Variants in PRDM2 observed in about 807,000 individuals in gnomAD.
PRDM2 encodes the protein PR domain zinc finger protein 2.
PRDM2 carries 30 observed loss-of-function variants against 130.0 expected under a neutral mutation model. The ratio of observed to expected loss-of-function variants is 0.23; its 90% confidence interval spans 0.17 to 0.31. PRDM2 has a LOEUF of 0.31. Ranked by LOEUF, PRDM2 falls within the 10% of genes least tolerant of loss-of-function variation. The pLI is 1.00. For missense variants in PRDM2, 2,011 were observed against 2,108.4 expected, an observed-to-expected ratio of 0.95 and a Z score of 0.90; for synonymous variants, 871 against 782.4, an observed-to-expected ratio of 1.11 and a Z score of -1.89.
chr1:13,731,565 A>T (rs1159724254), intron 3 of PRDM2, among the ~76,000 whole-genome samples: 1 of 152,186 alleles, frequency 6.6e-6, no homozygotes, highest in Admixed American at 6.5e-5. Flanking sequence ...TTGTGCCTCC[A>T]GTACCAGATA....
chr1:13,729,351 C>T (rs1465926864), intron 2 of PRDM2, among the ~76,000 whole-genome samples: 3 of 152,096 alleles, frequency 2.0e-5, no homozygotes, highest in East Asian at 1.9e-4. Flanking sequence ...CCAGCTGAGA[C>T]GGAAGAAGAA....
In PRDM2 at chr1:13,823,372, C is replaced by T; in HGVS notation, c.*237C>T. ...GATCCCCGGGGCGGCAGGAAGGGGG[C>T]CGACTCCACGCTGTCCTTTGGGATG... On this transcript the variant is annotated 3_prime_UTR_variant, in exon 10 of 10. Transcript: ENST00000311066. The T allele has an allele frequency of 1.5e-6, 1 of 651,622 alleles. No individual in the cohort carries two copies. The highest frequency in any genetic ancestry group is 2.8e-6 in the Non-Finnish European group (1 of 359,638). 40.4% of individuals were successfully genotyped at this position (651,622 alleles called of 1,614,324 possible). A position where few individuals can be genotyped will look rare whatever the true frequency, so the allele number is the denominator to read the frequency against.
chr1:13,769,510 A>G (rs1466460832), intron 6 of PRDM2, among the ~76,000 whole-genome samples: 1 of 152,132 alleles, frequency 6.6e-6, no homozygotes, highest in Non-Finnish European at 1.5e-5. Context: ...TTCTCCCACA[A>G]AATTGAAGGC....
At chr1:13,769,419 T>TGTATGTGTG (rs1644306881) in intron 6 of PRDM2, among the ~76,000 whole-genome samples, 1 of 152,174 alleles carries the variant, frequency 6.6e-6, no homozygotes, top group East Asian at 1.9e-4. Flanking sequence ...ACCAAGCCTG[T>TGTATGTGTG]GTATGTGTGG....
In PRDM2 at chr1:13,782,125, G is replaced by T; in HGVS notation, c.4330G>T (p.Ala1444Ser). 2 of 1,613,910 alleles carry T rather than the reference G, an allele frequency of 1.2e-6. No individual in the cohort carries two copies. Among genetic ancestry groups the T allele is most frequent in the Non-Finnish European group, 1.7e-6 (2 of 1,180,024 alleles). Residue 1444 changes from alanine (A) to serine (S), a missense_variant, in exon 8 of 10, where the codon GCC (alanine) becomes TCC (serine). This residue lies in a region of PRDM2 where 410 missense variants were observed against 395.9 expected (regional missense o/e 1.04). Coordinates refer to ENST00000311066, the MANE Select transcript of PRDM2 (RefSeq NM_001393986.1). ...GAAAAACAAATCTGCAAAGCAGAAG[G>T]CCGACTTGAAAAATGCTTGTGAGTC... ...LQKNKSAKQKADLKNACESSS... is the reference protein window; with the variant it reads ...LQKNKSAKQKSDLKNACESSS...
intron 2 of PRDM2, among the ~76,000 whole-genome samples, chr1:13,719,843 T>C (rs1642666672): frequency 6.6e-6 from 1 of 152,192 alleles, no homozygotes; most frequent in Non-Finnish European, 1.5e-5. Flanking sequence ...TTTGCAAATC[T>C]ATACAAAGAT....
At chr1:13,787,374 CTAAGTA>C in intron 8 of PRDM2, 1 of 984,858 alleles carries the variant, frequency 1.0e-6, no homozygotes, top group Non-Finnish European at 1.2e-6. Context: ...TGGCCTCTTC[CTAAGTA>C]TATTAATATC....
chr1:13,743,227 G>A (rs1246501379), intron 5 of PRDM2, among the ~76,000 whole-genome samples: 2 of 151,714 alleles, frequency 1.3e-5, no homozygotes, highest in Non-Finnish European at 2.9e-5. Flanking sequence ...GTGAAACCCC[G>A]TCTCTACTAA....
chr1:13,798,028 C>T (rs16852988), intron 8 of PRDM2, among the ~76,000 whole-genome samples: 2,850 of 152,120 alleles, frequency 0.019, 85 homozygotes, highest in South Asian at 0.11. Context: ...TATAACAACC[C>T]GGTGATAGAT....
chr1:13,775,354 T>TA (rs1644452658), intron 7 of PRDM2, among the ~76,000 whole-genome samples: 1 of 152,374 alleles, frequency 6.6e-6, no homozygotes, highest in Admixed American at 6.5e-5. Flanking sequence ...TTCTGAGCCT[T>TA]AGAGTTGGCG....
Position 13,782,337 on chromosome 1 carries a change from C to G in PRDM2, c.4542C>G (p.Arg1514=), listed in dbSNP as rs117224650. The change falls in exon 8 of 10, where the codon CGC becomes CGG. Residue 1514 remains arginine, a synonymous_variant. Transcript: ENST00000311066. ...SSDKNSNSNH[R]RRTADAEIKM... is the part of the protein sequence containing the mutation. ...ACAAAAACAGTAACAGCAACCACCG[C>G]AGACGGACAGCGGATGCGGAGATTA... 326 of 1,614,132 alleles carry G rather than the reference C, an allele frequency of 2.0e-4. 1 individual carries two copies. The East Asian group carries it at 7.0e-3, about 35-fold the overall frequency.
At chr1:13,715,841 T>C (rs1462248369) in intron 2 of PRDM2, among the ~76,000 whole-genome samples, 1 of 152,236 alleles carries the variant, frequency 6.6e-6, no homozygotes, top group Non-Finnish European at 1.5e-5. Flanking sequence ...AGGAGAGGAC[T>C]CATTCTTAGG....
At chr1:13,725,686 G>A (rs542263781) in intron 2 of PRDM2, among the ~76,000 whole-genome samples, 1 of 152,330 alleles carries the variant, frequency 6.6e-6, no homozygotes, top group African/African-American at 2.4e-5. Flanking sequence ...TAAGCCACCA[G>A]AATGATGACA....
rs1037639443 is a variant in PRDM2 at position 13,803,663 on chromosome 1, C to T, written c.5037-12764C>T. ...GGCCTCTGGGGTCCCCTGCACTTCT[C>T]GGGTCTTGGCAGCAAAAGAGGCAGC... On this transcript the variant is annotated intron_variant, in intron 8 of 9. Coordinates refer to ENST00000311066, the MANE Select transcript of PRDM2 (RefSeq NM_001393986.1). This position sits in a 1 kb window ranked among gnomAD's most constrained non-coding sequence, Gnocchi z 6.2. Among the ~76,000 whole-genome samples, 31 of 152,122 alleles carry T rather than the reference C, an allele frequency of 2.0e-4. No individual in the cohort carries two copies. Among genetic ancestry groups the T allele is most frequent in the African/African-American group, 7.2e-4 (30 of 41,408 alleles).
At chr1:13,751,975 C>A (rs1432606117) in intron 6 of PRDM2, among the ~76,000 whole-genome samples, 1 of 152,014 alleles carries the variant, frequency 6.6e-6, no homozygotes, top group Non-Finnish European at 1.5e-5. Context: ...CCTCCCCTCC[C>A]CTCCCCATAT....
chr1:13,768,100 C>T (rs1354221439), intron 6 of PRDM2, among the ~76,000 whole-genome samples: 12 of 115,652 alleles, frequency 1.0e-4, no homozygotes, highest in East Asian at 5.7e-4. Context: ...TTTTTTGAGA[C>T]GGAGTCTCGC....
chr1:13,791,406 G>C (rs1322195752), intron 8 of PRDM2, among the ~76,000 whole-genome samples: 7 of 152,168 alleles, frequency 4.6e-5, no homozygotes, highest in Non-Finnish European at 1.0e-4. Context: ...CAACGTGACT[G>C]TTTAACAGAA....
intron 2 of PRDM2, 152 bp downstream of exon 2, chr1:13,715,766 T>G (rs1642513078): frequency 1.5e-6 from 1 of 679,518 alleles, no homozygotes; most frequent in African/African-American, 1.9e-5. Context: ...GTTCATACCG[T>G]GCATTTGTTC....
intron 8 of PRDM2, chr1:13,786,440 C>T: frequency 1.3e-6 from 2 of 1,561,478 alleles, no homozygotes; most frequent in African/African-American, 1.4e-5. Context: ...GGTCTATTCA[C>T]CTTTTTCTTT....
Sources: allele counts gnomAD v4.1 joint callset (sites outside exome capture counted in the v4.1 genomes callset), GRCh38; gene constraint gnomAD v4.1.1; regional missense constraint gnomAD v4.1.1; non-coding constraint Gnocchi (gnomAD v3.1); transcripts MANE v1.5; gene names NCBI Gene and HGNC (gene_info 2026-07-23, HGNC 2026-07-21).